ADSL: variants seen among roughly 807,000 people sequenced by gnomAD.
ADSL encodes adenylosuccinase.
ADSL carries 44 observed loss-of-function variants against 62.1 expected under a neutral mutation model. The ratio of observed to expected loss-of-function variants is 0.71; its 90% CI spans 0.56 to 0.91. ADSL has a LOEUF of 0.91. Among genes scored for constraint, ADSL ranks in the 40% least tolerant of loss-of-function variants. The pLI, the probability that ADSL is intolerant of heterozygous loss-of-function variation, is 0.00. For synonymous variants in ADSL, 198 were observed against 220.5 expected, an observed-to-expected ratio of 0.90 and a Z score of 0.90; for missense variants, 531 against 627.4, an observed-to-expected ratio of 0.85 and a Z score of 1.64.
At chr22:40,347,540 C>G (rs997804873) in intron 1 of ADSL, among the ~76,000 whole-genome samples, 1 of 152,210 alleles carries the variant, frequency 6.6e-6, no homozygotes, top group Admixed American at 6.5e-5. Context: ...AATGCCCTCT[C>G]AAACGGCACA....
chr22:40,358,284 T>A (rs937163144), intron 4 of ADSL, among the ~76,000 whole-genome samples: 8 of 152,196 alleles, frequency 5.3e-5, no homozygotes, highest in African/African-American at 9.6e-5. Flanking sequence ...CCTGCCCTTA[T>A]AATAAATTGT....
chr22:40,386,364 G>A (rs1455327322), intron 2 of ADSL, among the ~76,000 whole-genome samples: 1 of 152,140 alleles, frequency 6.6e-6, no homozygotes, highest in Non-Finnish European at 1.5e-5. Context: ...GTTCACAACA[G>A]TAAGAGGACA....
intron 2 of ADSL, among the ~76,000 whole-genome samples, chr22:40,381,898 G>T (rs971848464): frequency 6.6e-6 from 1 of 152,212 alleles, no homozygotes; most frequent in Non-Finnish European, 1.5e-5. Context: ...GGCAGAAGTT[G>T]CAGTGAGCCA....
chr22:40,356,241 C>T (rs896470610), intron 4 of ADSL, among the ~76,000 whole-genome samples: 5 of 147,010 alleles, frequency 3.4e-5, no homozygotes, highest in South Asian at 2.2e-4. Flanking sequence ...TTAGGCTGGG[C>T]GGTTAGGCTG....
chr22:40,387,432 T>C (rs2048658012), intron 2 of ADSL: 2 of 377,410 alleles, frequency 5.3e-6, no homozygotes, highest in East Asian at 7.5e-5. Context: ...CCTGTGTAGT[T>C]TAATTATATG....
At chr22:40,346,809 T>G in intron 1 of ADSL, 98 bp downstream of exon 1, 6 of 1,303,582 alleles carry the variant, frequency 4.6e-6, no homozygotes, top group African/African-American at 1.5e-5. Flanking sequence ...ACCCCGGAGC[T>G]GCGGCCCGGC....
At chr22:40,361,906 C>T (rs2044804996) in intron 9 of ADSL, among the ~76,000 whole-genome samples, 1 of 152,170 alleles carries the variant, frequency 6.6e-6, no homozygotes, top group Admixed American at 6.5e-5. Context: ...TTAAGAAATA[C>T]ATGCATCTTT....
In ADSL at chr22:40,359,249, T is replaced by G. The variant is rs780906231; in HGVS notation, c.655-11T>G. 62 of 1,613,994 alleles carry G rather than the reference T, an allele frequency of 3.8e-5. No homozygotes were observed. Among genetic ancestry groups the G allele is most frequent in the Middle Eastern group, 1.6e-4 (1 of 6,084 alleles). On this transcript the variant is annotated splice_polypyrimidine_tract_variant and intron_variant, in intron 5 of 12. Transcript: ENST00000623063. ...ATGGATTATTATAAGGATGTGTCTT[T>G]TCTTTCCAAGGTAGAGCAGCTTGAC...
Position 40,363,037 on chromosome 22 carries a change from A to G in ADSL, c.1067A>G (p.Gln356Arg). The change falls in exon 10 of 13, where the codon CAG (glutamine) becomes CGG (arginine). Residue 356 changes from glutamine (Q) to arginine (R), a missense_variant. Transcript: ENST00000623063. ...GCAGATACTATATTGAATACGCTGCAGAACATTTCTGAAGGATTGGTCGTG... is the reference window on the plus strand; with the variant it reads ...GCAGATACTATATTGAATACGCTGCGGAACATTTCTGAAGGATTGGTCGTG... ...LTADTILNTL[Q>R]NISEGLVVYP... The G allele has an allele frequency of 6.2e-7, 1 of 1,614,192 alleles. No individual in the cohort carries two copies. The highest frequency in any genetic ancestry group is 8.5e-7 in the Non-Finnish European group (1 of 1,180,032).
At chr22:40,373,429 T>G (rs577744742), downstream of ADSL, 1 of 152,344 alleles carries the variant, frequency 6.6e-6, no homozygotes, top group South Asian at 2.1e-4. Context: ...CCCTCAACTC[T>G]GTTGAAACTA....
chr22:40,350,309 G>A, intron 2 of ADSL: 1 of 389,234 alleles, frequency 2.6e-6, no homozygotes, highest in Non-Finnish European at 4.8e-6. Context: ...TATTTTTTTA[G>A]TAGAGATGGG....
chr22:40,350,312 G>A, intron 2 of ADSL: 1 of 385,878 alleles, frequency 2.6e-6, no homozygotes, highest in Non-Finnish European at 4.8e-6. Context: ...TTTTTTAGTA[G>A]AGATGGGGTT....
At chr22:40,355,737 A>G (rs1031815080) in intron 4 of ADSL, among the ~76,000 whole-genome samples, 1 of 152,214 alleles carries the variant, frequency 6.6e-6, no homozygotes, top group African/African-American at 2.4e-5. Context: ...AGCAGTTAAC[A>G]AGGAAAACAG....
At chr22:40,364,688 T>G in intron 11 of ADSL, 192 bp from the exon 12 acceptor site, 2 of 666,080 alleles carry the variant, frequency 3.0e-6, no homozygotes, top group South Asian at 3.6e-5. Flanking sequence ...GGCATCCATT[T>G]CAGGCTTGTC....
intron 2 of ADSL, among the ~76,000 whole-genome samples, chr22:40,377,576 C>G (rs2046847712): frequency 6.6e-6 from 1 of 152,190 alleles, no homozygotes; most frequent in Non-Finnish European, 1.5e-5. Flanking sequence ...TGGCTCACGC[C>G]TGTAATCCCA....
At chr22:40,347,775 A>G (rs1378699676) in intron 1 of ADSL, among the ~76,000 whole-genome samples, 2 of 152,244 alleles carry the variant, frequency 1.3e-5, no homozygotes, top group Non-Finnish European at 2.9e-5. Context: ...CCTGAAGAGT[A>G]GGTATGAAAT....
intron 1 of ADSL, among the ~76,000 whole-genome samples, chr22:40,347,149 CTTG>C (rs1310717807): frequency 2.6e-5 from 4 of 152,322 alleles, no homozygotes; most frequent in Admixed American, 2.0e-4. Flanking sequence ...GCCCGGACAG[CTTG>C]TTGTTTGCCC....
chr22:40,361,512 G>A lies in ADSL; in HGVS notation c.887G>A (p.Arg296Gln), dbSNP rs755059672. ...QIGSSAMPYK[R>Q]NPMRSERCCS... is the part of the protein sequence containing the mutation. ...GGCTCAAGTGCGATGCCATATAAGC[G>A]GAATCCCATGCGTTCAGAACGTTGC... The change falls in exon 9 of 13, where the codon CGG becomes CAG. Residue 296 changes from arginine (R) to glutamine (Q), a missense_variant. Arg to Gln is a conservative substitution (Grantham distance 43, BLOSUM62 1). Transcript: ENST00000623063. The A allele has an allele frequency of 3.6e-5, 58 of 1,614,044 alleles. No homozygotes were observed. Among genetic ancestry groups the A allele is most frequent in the Middle Eastern group, 3.3e-4 (2 of 6,084 alleles).
chr22:40,371,003 G>T (rs902317789), downstream of ADSL, among the ~76,000 whole-genome samples: 1 of 152,234 alleles, frequency 6.6e-6, no homozygotes, highest in African/African-American at 2.4e-5. Context: ...AGCCGGGAGC[G>T]GTTTTACGAA....
Sources: gnomAD v4.1 joint callset for allele counts (sites outside exome capture counted in the v4.1 genomes callset) on GRCh38, gnomAD v4.1.1 for gene constraint, MANE v1.5 for transcripts, NCBI Gene and HGNC (gene_info 2026-07-23, HGNC 2026-07-21) for gene names.